The following SLC23A2 variants were observed in gnomAD, a reference collection of about 807,000 sequenced individuals.
The protein encoded by SLC23A2 is solute carrier family 23 member 2.
In SLC23A2, 36 loss-of-function variants were observed where a neutral mutation model predicts 73.3. The ratio of observed to expected loss-of-function variants is 0.49; its 90% CI spans 0.38 to 0.65. The LOEUF is 0.65. Ranked by LOEUF, SLC23A2 falls within the 30% of genes least tolerant of loss-of-function variation. The pLI, the probability that SLC23A2 is intolerant of heterozygous loss-of-function variation, is 0.00. For missense variants in SLC23A2, 507 were observed against 841.6 expected (o/e 0.60, Z 4.92); for synonymous variants, 343 against 327.3 (o/e 1.05, Z -0.52).
chr20:4,987,924 T>C (rs1306959631), intron 1 of SLC23A2, among the ~76,000 whole-genome samples: 2 of 151,572 alleles, frequency 1.3e-5, no homozygotes, highest in East Asian at 3.9e-4. Context: ...ATTTACAATA[T>C]TGCAATTGAG....
At chr20:4,912,545 G>GAGT (rs1932192647) in intron 4 of SLC23A2, among the ~76,000 whole-genome samples, 1 of 151,636 alleles carries the variant, frequency 6.6e-6, no homozygotes, top group Non-Finnish European at 1.5e-5. Flanking sequence ...ACTCATATTT[G>GAGT]CACCCAGACC....
chr20:4,914,690 T>A (rs959280100), intron 3 of SLC23A2, among the ~76,000 whole-genome samples: 2 of 152,116 alleles, frequency 1.3e-5, no homozygotes, highest in Non-Finnish European at 2.9e-5. Context: ...TAAATGTCCA[T>A]CAAAAAGACA....
intron 2 of SLC23A2, among the ~76,000 whole-genome samples, chr20:4,959,039 G>A (rs1022863382): frequency 5.3e-5 from 8 of 149,816 alleles, no homozygotes; most frequent in Non-Finnish European, 8.9e-5. Flanking sequence ...AGAGAAACCC[G>A]TCTCTACTAA....
At chr20:4,956,800 C>CT (rs759658782) in intron 2 of SLC23A2, among the ~76,000 whole-genome samples, 7,314 of 111,910 alleles carry the variant, frequency 0.065, 402 homozygotes, top group Middle Eastern at 0.1. Flanking sequence ...CTTCCCTCTT[C>CT]TTTTTTTTTT....
At chr20:4,865,222 G>A (rs546458162) in intron 13 of SLC23A2, among the ~76,000 whole-genome samples, 24 of 152,258 alleles carry the variant, frequency 1.6e-4, no homozygotes, top group Middle Eastern at 3.4e-3. Context: ...TTCAACGGTG[G>A]TGCAGAATGC....
At chr20:4,917,029 AC>A (rs2122904878) in intron 3 of SLC23A2, among the ~76,000 whole-genome samples, 1 of 152,342 alleles carries the variant, frequency 6.6e-6, no homozygotes, top group African/African-American at 2.4e-5. Context: ...AAAAAAGCTC[AC>A]ATATTCATTC....
chr20:4,926,033 T>C (rs939257), intron 3 of SLC23A2, among the ~76,000 whole-genome samples: 19,430 of 152,170 alleles, frequency 0.13, 1,891 homozygotes, highest in African/African-American at 0.27. Flanking sequence ...ACCAGACACA[T>C]TTAATCAATG....
intron 1 of SLC23A2, among the ~76,000 whole-genome samples, chr20:4,972,062 T>G (rs904105996): frequency 6.6e-6 from 1 of 152,222 alleles, no homozygotes; most frequent in African/African-American, 2.4e-5. Context: ...CTTGTACCTA[T>G]GCATATGTTC....
At chr20:4,925,487 A>G (rs1282753690) in intron 3 of SLC23A2, among the ~76,000 whole-genome samples, 1 of 152,102 alleles carries the variant, frequency 6.6e-6, no homozygotes, top group African/African-American at 2.4e-5. Context: ...ACAGAGCCTC[A>G]CGCAAAGCAG....
chr20:4,995,975 C>G (rs1030799565), intron 1 of SLC23A2, among the ~76,000 whole-genome samples: 3 of 152,136 alleles, frequency 2.0e-5, no homozygotes, highest in Admixed American at 2.0e-4. Context: ...TAGTGTTCTA[C>G]AGTGGTTTAA....
rs116317600 is a variant in SLC23A2 at position 4,912,913 on chromosome 20, C to T, written c.174G>A (p.Ala58=). The T allele has an allele frequency of 2.3e-3, 3,710 of 1,607,208 alleles. 68 individuals carry two copies. The African/African-American group carries it at 0.042, about 18-fold the overall frequency. ...CAATGCCGTTTTCCGTAGTGTAGAT[C>T]GCCATGAGCTCAGTGTCCTCATTGT... ...EQDNEDTELM[A]IYTTENGIAE... The change falls in exon 4 of 17, where the codon GCG becomes GCA. Residue 58 remains alanine (A), a synonymous_variant. Coordinates refer to ENST00000338244, the MANE Select transcript of SLC23A2 (RefSeq NM_005116.6).
intron 3 of SLC23A2, among the ~76,000 whole-genome samples, chr20:4,920,367 A>T (rs1480829394): frequency 3.9e-5 from 6 of 152,238 alleles, no homozygotes; most frequent in Admixed American, 3.9e-4. Flanking sequence ...CACATTGCTG[A>T]CGAAATTCCT....
At chr20:4,897,930 A>C (rs1931605340) in intron 6 of SLC23A2, among the ~76,000 whole-genome samples, 1 of 152,234 alleles carries the variant, frequency 6.6e-6, no homozygotes. Flanking sequence ...ATCCACGGAT[A>C]AGTCAGCGGT....
At chr20:5,002,370 C>T (rs998786733), upstream of SLC23A2, among the ~76,000 whole-genome samples, 1 of 152,178 alleles carries the variant, frequency 6.6e-6, no homozygotes, top group Non-Finnish European at 1.5e-5. Flanking sequence ...CGTATTGAGC[C>T]ACTGCTGAAA....
intron 1 of SLC23A2, among the ~76,000 whole-genome samples, chr20:4,983,523 G>A (rs2122280821): frequency 6.6e-6 from 1 of 151,860 alleles, no homozygotes; most frequent in East Asian, 1.9e-4. Context: ...GCAGGTGCCT[G>A]TAGTCCCAGC....
At chr20:4,917,558 G>A (rs1932367781) in intron 3 of SLC23A2, among the ~76,000 whole-genome samples, 1 of 152,138 alleles carries the variant, frequency 6.6e-6, no homozygotes, top group African/African-American at 2.4e-5. Flanking sequence ...TTCAAAATGT[G>A]TTTGACCCAC....
chr20:4,877,464 G>T (rs1315598234), intron 9 of SLC23A2, among the ~76,000 whole-genome samples: 1 of 151,564 alleles, frequency 6.6e-6, no homozygotes, highest in East Asian at 1.9e-4. Flanking sequence ...AAATTATTGG[G>T]GTAAAAATGA....
intron 1 of SLC23A2, 29 bp downstream of exon 1, chr20:5,001,377 G>C (rs2088122706): frequency 6.8e-6 from 1 of 146,830 alleles, no homozygotes; most frequent in Non-Finnish European, 1.5e-5. Flanking sequence ...CCGCAGGCCG[G>C]GCAGGGGGCG....
intron 3 of SLC23A2, among the ~76,000 whole-genome samples, chr20:4,919,520 A>AT: frequency 6.6e-6 from 1 of 152,274 alleles, no homozygotes; most frequent in East Asian, 1.9e-4. Flanking sequence ...CGGGCGGGTG[A>AT]TGTGTCTGCC....
Sources: gnomAD v4.1 joint callset for allele counts (sites outside exome capture counted in the v4.1 genomes callset) on GRCh38, gnomAD v4.1.1 for gene constraint, MANE v1.5 for transcripts, NCBI Gene and HGNC (gene_info 2026-07-23, HGNC 2026-07-21) for gene names.